The following AGAP1 variants were observed in gnomAD, a reference collection of about 807,000 sequenced individuals.
AGAP1 encodes ArfGAP with GTPase domain, ankyrin repeat and PH domain 1, also known as arf-GAP with GTPase, ANK repeat and PH domain-containing protein 1.
AGAP1 carries 29 observed loss-of-function variants against 105.3 expected under a neutral mutation model. The observed-to-expected ratio is 0.28, with a 90% confidence interval of 0.21 to 0.38. The LOEUF (loss-of-function observed/expected upper bound fraction) is 0.38. AGAP1 is among the 10% of genes least tolerant of loss of function. AGAP1 has a pLI of 1.00. For missense variants in AGAP1, 998 were observed against 1,165.1 expected, an observed-to-expected ratio of 0.86 and a Z score of 2.09; for synonymous variants, 509 against 485.9, an observed-to-expected ratio of 1.05 and a Z score of -0.63.
chr2:235,545,434 A>G (rs1414979626), intron 1 of AGAP1, among the ~76,000 whole-genome samples: 1 of 152,156 alleles, frequency 6.6e-6, no homozygotes, highest in East Asian at 1.9e-4. Context: ...TTAGAGGTTT[A>G]CTTATAGGAA....
intron 6 of AGAP1, among the ~76,000 whole-genome samples, chr2:235,763,065 C>T (rs772894861): frequency 0.054 from 5,238 of 97,618 alleles, 103 homozygotes; most frequent in Admixed American, 0.098. Context: ...TGTGCGCGCG[C>T]GCGCACACGT....
intron 1 of AGAP1, among the ~76,000 whole-genome samples, chr2:235,656,884 G>A (rs574640588): frequency 6.6e-6 from 1 of 152,252 alleles, no homozygotes; most frequent in South Asian, 2.1e-4. Flanking sequence ...AAAAGGAGAG[G>A]CATCCTATTC....
At chr2:235,573,379 C>G (rs1339199927) in intron 1 of AGAP1, among the ~76,000 whole-genome samples, 1 of 152,040 alleles carries the variant, frequency 6.6e-6, no homozygotes, top group African/African-American at 2.4e-5. Context: ...CACCCGGCTG[C>G]TGCTCCATCT....
intron 13 of AGAP1, among the ~76,000 whole-genome samples, chr2:235,978,805 T>G (rs535246806): frequency 6.6e-6 from 1 of 152,260 alleles, no homozygotes; most frequent in African/African-American, 2.4e-5. Context: ...CCACTGCCCT[T>G]GAGAACTGGG....
chr2:235,930,999 G>C lies in AGAP1; in HGVS notation c.1483+76G>C. ...TTGTAAGCCAGGGGCTGGACAGGACGCCCTAAGCTCTCATGCTCCTCTGGG... is the reference window on the plus strand; with the variant it reads ...TTGTAAGCCAGGGGCTGGACAGGACCCCCTAAGCTCTCATGCTCCTCTGGG... On this transcript the variant is annotated intron_variant, in intron 12 of 17. Transcript: ENST00000304032. The surrounding 1 kb of genome is among the most constrained non-coding windows in gnomAD (Gnocchi z 7.9). 6.6e-7 allele frequency: 1 copy of C among 1,517,784 alleles called. No homozygotes were observed. Among genetic ancestry groups the C allele is most frequent in the South Asian group, 1.3e-5 (1 of 78,412 alleles). The allele number at this position is 1,517,784 out of a possible 1,614,324, so 94.0% of individuals were successfully genotyped here. A position where few individuals can be genotyped will look rare whatever the true frequency, so the allele number is the denominator to read the frequency against.
chr2:235,526,699 A>T (rs1942854081), intron 1 of AGAP1, among the ~76,000 whole-genome samples: 1 of 152,218 alleles, frequency 6.6e-6, no homozygotes, highest in Non-Finnish European at 1.5e-5. Flanking sequence ...AAAGGGAGAT[A>T]CTGATGAGGA....
chr2:236,116,830 A>G (rs1164690935), intron 16 of AGAP1, among the ~76,000 whole-genome samples: 3 of 150,998 alleles, frequency 2.0e-5, no homozygotes, highest in African/African-American at 7.3e-5. Flanking sequence ...GCTCCCACGT[A>G]TCAGTGAGAA....
intron 1 of AGAP1, among the ~76,000 whole-genome samples, chr2:235,627,221 G>A (rs1433003316): frequency 1.2e-4 from 13 of 108,948 alleles, no homozygotes; most frequent in Admixed American, 4.7e-4. Flanking sequence ...TTTTTTGATA[G>A]GGTCTCTGTT....
intron 1 of AGAP1, among the ~76,000 whole-genome samples, chr2:235,588,890 C>T (rs990982157): frequency 6.6e-6 from 1 of 152,142 alleles, no homozygotes; most frequent in Non-Finnish European, 1.5e-5. Context: ...GGAAAGGTCC[C>T]GAGTGGCCTG....
rs1464764327 is a variant in AGAP1 at position 236,121,457 on chromosome 2, C to T, written c.2370+1010C>T. 4.6e-5 allele frequency among the ~76,000 whole-genome samples: 7 copies of T among 152,126 alleles called. No homozygotes were observed. The highest frequency in any genetic ancestry group is 1.4e-4 in the African/African-American group (6 of 41,426). On this transcript the variant is annotated intron_variant, in intron 17 of 17. Transcript: ENST00000304032. The surrounding 1 kb of genome is among the most constrained non-coding windows in gnomAD (Gnocchi z 4.9). ...CTGGGATTACAGGTGCGCACCACCA[C>T]GCCCAGCTAATTTTTGTATTTTTAG...
At chr2:235,834,615 T>C (rs527405895) in intron 9 of AGAP1, among the ~76,000 whole-genome samples, 1 of 152,312 alleles carries the variant, frequency 6.6e-6, no homozygotes, top group Admixed American at 6.5e-5. Flanking sequence ...TTGGGTACCA[T>C]CCACTGGAGT....
chr2:235,641,878 G>A (rs1326239947), intron 1 of AGAP1, among the ~76,000 whole-genome samples: 1 of 152,084 alleles, frequency 6.6e-6, no homozygotes, highest in Admixed American at 6.5e-5. Flanking sequence ...AGAATTATTA[G>A]CATTTTCTGC....
At chr2:235,895,148 A>G (rs1470914000) in intron 10 of AGAP1, among the ~76,000 whole-genome samples, 1 of 152,194 alleles carries the variant, frequency 6.6e-6, no homozygotes, top group Non-Finnish European at 1.5e-5. Context: ...GCCTGCTCAT[A>G]AAGTTTTCCA....
rs1408947093 is a variant in AGAP1, at chr2:235,843,942, C to A, written c.1050+36611C>A. On this transcript the variant is annotated intron_variant, in intron 9 of 17. Coordinates refer to ENST00000304032, the MANE Select transcript of AGAP1 (RefSeq NM_001037131.3). The surrounding 1 kb of genome is among the most constrained non-coding windows in gnomAD (Gnocchi z 5.9). ...GAGCCTGCTTCCCAGCATGGCCTCA[C>A]ATTGTCATCAGTGTCACTCAGGACC... Among the ~76,000 whole-genome samples the A allele has an allele frequency of 6.6e-6, 1 of 152,222 alleles. No individual in the cohort carries two copies. The highest frequency in any genetic ancestry group is 1.5e-5 in the Non-Finnish European group (1 of 68,042).
At chr2:235,876,358 A>G (rs541109567) in intron 9 of AGAP1, among the ~76,000 whole-genome samples, 1 of 152,308 alleles carries the variant, frequency 6.6e-6, no homozygotes, top group East Asian at 1.9e-4. Context: ...ATTCTTCAAA[A>G]TGGGATTCTG....
intron 1 of AGAP1, among the ~76,000 whole-genome samples, chr2:235,501,207 G>A (rs1941548269): frequency 1.3e-5 from 2 of 152,222 alleles, no homozygotes; most frequent in South Asian, 4.1e-4. Context: ...CTGCGACACG[G>A]TGGCATGTCG....
Position 235,931,010 on chromosome 2 carries a change from T to C in AGAP1, c.1483+87T>C. 6.8e-6 allele frequency: 10 copies of C among 1,466,416 alleles called. No individual in the cohort carries two copies. The South Asian group carries it at 1.2e-4, about 18-fold the overall frequency. 90.8% of individuals were successfully genotyped at this position (1,466,416 alleles called of 1,614,324 possible). On this transcript the variant is annotated intron_variant, in intron 12 of 17. Coordinates refer to ENST00000304032, the MANE Select transcript of AGAP1 (RefSeq NM_001037131.3). The surrounding 1 kb of genome is among the most constrained non-coding windows in gnomAD (Gnocchi z 5.6). ...GGGCTGGACAGGACGCCCTAAGCTC[T>C]CATGCTCCTCTGGGAGCGCAGCACC... is the stretch of plus-strand genomic sequence containing the variant.
rs1475716689 is a variant in AGAP1, at chr2:235,600,481, T to C, written c.163+105632T>C. On this transcript the variant is annotated intron_variant, in intron 1 of 17. Transcript: ENST00000304032. This position sits in a 1 kb window ranked among gnomAD's most constrained non-coding sequence, Gnocchi z 4.8. ...CCATCCCCGCTGGATTAGGGTTCTC[T>C]AGAGGGATGGAACCAATAGGCCAGA... Among the ~76,000 whole-genome samples the C allele has an allele frequency of 6.6e-6, 1 of 152,068 alleles. No individual in the cohort carries two copies. The highest frequency in any genetic ancestry group is 1.5e-5 in the Non-Finnish European group (1 of 68,024).
intron 9 of AGAP1, among the ~76,000 whole-genome samples, chr2:235,870,824 T>C (rs936946320): frequency 2.0e-5 from 3 of 152,240 alleles, no homozygotes; most frequent in African/African-American, 4.8e-5. Flanking sequence ...CCATGTTTGC[T>C]ACTATGCAGC....
Sources: gnomAD v4.1 joint callset for allele counts (sites outside exome capture counted in the v4.1 genomes callset) on GRCh38, gnomAD v4.1.1 for gene constraint, Gnocchi (gnomAD v3.1) non-coding constraint, MANE v1.5 for transcripts, NCBI Gene and HGNC (gene_info 2026-07-23, HGNC 2026-07-21) for gene names.